Variants in TTLL6 observed in about 807,000 individuals in gnomAD.
The protein encoded by TTLL6 is tubulin polyglutamylase TTLL6.
In TTLL6, 75 loss-of-function variants were observed where a neutral mutation model predicts 96.4. That is an observed-to-expected ratio of 0.78 (90% confidence interval 0.65 to 0.94). The LOEUF is 0.94. Among genes scored for constraint, TTLL6 ranks in the 40% least tolerant of loss-of-function variants. The probability of loss-of-function intolerance (pLI) is 0.00; values close to 1 mark genes in which losing one functional copy is unlikely to be tolerated. For synonymous variants in TTLL6, 411 were observed against 419.4 expected, an observed-to-expected ratio of 0.98 and a Z score of 0.24; for missense variants, 1,030 against 1,093.0, an observed-to-expected ratio of 0.94 and a Z score of 0.81.
intron 1 of TTLL6, 97 bp downstream of exon 1, chr17:48,816,873 G>T: frequency 1.1e-6 from 1 of 909,666 alleles, no homozygotes; most frequent in Non-Finnish European, 1.6e-6. Flanking sequence ...CCTGGGTCCC[G>T]TGTGGGTTTA....
chr17:48,766,055 G>A (rs749233982), intron 15 of TTLL6, among the ~76,000 whole-genome samples: 79 of 152,192 alleles, frequency 5.2e-4, no homozygotes, highest in Non-Finnish European at 9.0e-4. Context: ...TCTAGCCCAC[G>A]TTGCTAAAAA....
Position 48,784,912 on chromosome 17 carries a change from T to C in TTLL6, c.2040+11A>G, listed in dbSNP as rs1208219930. On this transcript the variant is annotated intron_variant, in intron 13 of 15. Transcript: ENST00000393382. ...CCACCACTCCCTCCCAGAGCTCGGC[T>C]CACTACTTACCACAGTGCCAGTGAA... 1 of 1,610,964 alleles carries C rather than the reference T, an allele frequency of 6.2e-7. No homozygotes were observed. The highest frequency in any genetic ancestry group is 8.5e-7 in the Non-Finnish European group (1 of 1,178,130).
At chr17:48,780,721 A>T (rs7215901) in intron 13 of TTLL6, among the ~76,000 whole-genome samples, 6 of 152,064 alleles carry the variant, frequency 3.9e-5, no homozygotes, top group Admixed American at 1.3e-4. Flanking sequence ...GATACTTCAC[A>T]GAAGTGGAAT....
intron 12 of TTLL6, among the ~76,000 whole-genome samples, 160 bp from the exon 13 acceptor site, chr17:48,785,361 G>C (rs2039071211): frequency 1.3e-5 from 2 of 152,120 alleles, no homozygotes; most frequent in African/African-American, 4.8e-5. Context: ...GGAATTCTGG[G>C]ACCCTTAGAG....
intron 8 of TTLL6, among the ~76,000 whole-genome samples, chr17:48,795,844 T>G (rs2039307523): frequency 6.6e-6 from 1 of 152,200 alleles, no homozygotes; most frequent in African/African-American, 2.4e-5. Context: ...CCTCCCAGCC[T>G]CCCAGGGTTT....
In TTLL6 at chr17:48,797,124, C is replaced by T. The variant is rs542363937; in HGVS notation, c.849G>A (p.Val283=). 5 of 1,551,314 alleles carry T rather than the reference C, an allele frequency of 3.2e-6. No homozygotes were observed. Among genetic ancestry groups the T allele is most frequent in the African/African-American group, 2.7e-5 (2 of 72,940 alleles). ...VTSCDPLRIF[V]YNEGLARFAT... Reference sequence around the variant, plus strand: ...CAAAGCGGGCCAGTCCTTCATTGTACACAAAAATCCTGAGAGGGTCACAGG... The same window carrying T: ...CAAAGCGGGCCAGTCCTTCATTGTATACAAAAATCCTGAGAGGGTCACAGG... Residue 283 remains valine (V), a synonymous_variant, in exon 7 of 16, where the codon GTG becomes GTA. Coordinates refer to ENST00000393382, the MANE Select transcript of TTLL6 (RefSeq NM_001130918.3).
chr17:48,803,848 C>T, intron 3 of TTLL6, 43 bp downstream of exon 3: 1 of 1,549,046 alleles, frequency 6.5e-7, no homozygotes, highest in Non-Finnish European at 8.7e-7. Flanking sequence ...TTGGGAGAAT[C>T]CAGTGGGTCC....
Position 48,817,194 on chromosome 17 carries a change from C to T in TTLL6, c.-122G>A, listed in dbSNP as rs1235636953. ...TGGCCCCTGCAGTAGCTGCCATGCC[C>T]CCTCCCTCCCGAATCCAATTAACCG... On this transcript the variant is annotated 5_prime_UTR_variant, in exon 1 of 16. Coordinates refer to ENST00000393382, the MANE Select transcript of TTLL6 (RefSeq NM_001130918.3). The T allele has an allele frequency of 1.7e-6, 1 of 604,820 alleles. No individual in the cohort carries two copies. The highest frequency in any genetic ancestry group is 2.7e-6 in the Non-Finnish European group (1 of 374,620). 37.5% of individuals were successfully genotyped at this position (604,820 alleles called of 1,614,324 possible).
intron 3 of TTLL6, among the ~76,000 whole-genome samples, 169 bp from the exon 4 acceptor site, chr17:48,801,812 C>T (rs1031298039): frequency 6.6e-6 from 1 of 151,926 alleles, no homozygotes; most frequent in Non-Finnish European, 1.5e-5. Context: ...GAGTCAAACA[C>T]TGTCACTGCA....
Position 48,774,233 on chromosome 17 carries a change from G to GTTTT in TTLL6, c.2041-4140_2041-4137dup, listed in dbSNP as rs1218981467. ...AATGAAACCAAAATCCAGGTTTGTT[G>GTTTT]TTTTTTTTTTTTTTTTTTTGAGACG... On this transcript the variant is annotated intron_variant, in intron 13 of 15. Coordinates refer to ENST00000393382, the MANE Select transcript of TTLL6 (RefSeq NM_001130918.3). Among the ~76,000 whole-genome samples, 8 of 112,936 alleles carry GTTTT rather than the reference G, an allele frequency of 7.1e-5. 1 individual carries two copies. The highest frequency in any genetic ancestry group is 2.2e-4 in the African/African-American group (7 of 31,524). 74.1% of individuals were successfully genotyped at this position (112,936 alleles called of 152,430 possible).
At chr17:48,786,831 C>CTTTTTT (rs11446945) in intron 11 of TTLL6, among the ~76,000 whole-genome samples, 1 of 122,510 alleles carries the variant, frequency 8.2e-6, no homozygotes, top group African/African-American at 3.1e-5. Context: ...CTTCTGTCAT[C>CTTTTTT]TTTTTTTTTT....
At chr17:48,780,543 A>C (rs1210387243) in intron 13 of TTLL6, among the ~76,000 whole-genome samples, 1 of 152,240 alleles carries the variant, frequency 6.6e-6, no homozygotes, top group Non-Finnish European at 1.5e-5. Context: ...AGTCATTTTA[A>C]AGTGTTCTAT....
At chr17:48,802,769 G>T (rs1323329697) in intron 3 of TTLL6, among the ~76,000 whole-genome samples, 1 of 152,240 alleles carries the variant, frequency 6.6e-6, no homozygotes, top group African/African-American at 2.4e-5. Context: ...TACTCAGGAG[G>T]CTGAGGCAGG....
intron 14 of TTLL6, 32 bp downstream of exon 14, chr17:48,769,696 C>T (rs1487767895): frequency 5.0e-6 from 8 of 1,597,612 alleles, no homozygotes; most frequent in Non-Finnish European, 6.8e-6. Context: ...CCTTTAAGCT[C>T]CTGGCACATC....
intron 1 of TTLL6, among the ~76,000 whole-genome samples, chr17:48,810,839 A>AG: frequency 7.6e-6 from 1 of 132,332 alleles, no homozygotes; most frequent in South Asian, 2.4e-4. Context: ...ATATATATAT[A>AG]TATATATATA....
At chr17:48,811,098 C>T in intron 1 of TTLL6, among the ~76,000 whole-genome samples, 1 of 131,738 alleles carries the variant, frequency 7.6e-6, no homozygotes. Context: ...GAGACAGAGT[C>T]TCACTCGTCA....
In TTLL6 at chr17:48,816,950, G is replaced by A. The variant is rs1304488969; in HGVS notation, c.103+20C>T. On this transcript the variant is annotated intron_variant, in intron 1 of 15. Coordinates refer to ENST00000393382, the MANE Select transcript of TTLL6 (RefSeq NM_001130918.3). ...GAGGCTGCGGTCTGGAGCCAGCACC[G>A]GGCTTTGGGGCGCTCTTACCCGCAA... is the stretch of plus-strand genomic sequence containing the variant. The A allele has an allele frequency of 6.0e-6, 9 of 1,511,756 alleles. No individual in the cohort carries two copies. Among genetic ancestry groups the A allele is most frequent in the Non-Finnish European group, 8.0e-6 (9 of 1,130,298 alleles). 93.6% of individuals were successfully genotyped at this position (1,511,756 alleles called of 1,614,324 possible). A position where few individuals can be genotyped will look rare whatever the true frequency, so the allele number is the denominator to read the frequency against.
chr17:48,790,823 G>A (rs1358399962), intron 9 of TTLL6, among the ~76,000 whole-genome samples: 1 of 152,158 alleles, frequency 6.6e-6, no homozygotes, highest in Non-Finnish European at 1.5e-5. Flanking sequence ...CACATGAGAG[G>A]GCTCCTGAGG....
chr17:48,785,008 C>A lies in TTLL6; in HGVS notation c.1955G>T (p.Ser652Ile). Residue 652 changes from serine to isoleucine, a missense_variant, in exon 13 of 16, where the codon AGC (serine) becomes ATC (isoleucine). By Grantham distance (142) the Ser-to-Ile change is moderately radical (BLOSUM62 -2). Transcript: ENST00000393382. The stretch of plus-strand genomic sequence containing the variant: ...GGGTTTACTGGGCTCCAACTTCGAG[C>A]TGCTGAGATTGATATTCCTCAGATC... Reference protein sequence around the residue: ...LPDLRNINLSSSKLEPSKPNF... With the variant: ...LPDLRNINLSISKLEPSKPNF... The A allele has an allele frequency of 6.2e-7, 1 of 1,614,184 alleles. No homozygotes were observed. The highest frequency in any genetic ancestry group is 1.3e-5 in the African/African-American group (1 of 75,046).
Sources: allele counts gnomAD v4.1 joint callset (sites outside exome capture counted in the v4.1 genomes callset), GRCh38; gene constraint gnomAD v4.1.1; transcripts MANE v1.5; gene names NCBI Gene and HGNC (gene_info 2026-07-23, HGNC 2026-07-21).